The following SND1 variants were observed in gnomAD, a reference collection of about 807,000 sequenced individuals.
SND1 encodes the protein staphylococcal nuclease and tudor domain containing 1, also known as staphylococcal nuclease domain-containing protein 1.
Under a neutral mutation model 121.7 loss-of-function variants are expected in SND1, and 38 were observed. The observed-to-expected ratio is 0.31, with a 90% CI of 0.24 to 0.41. The LOEUF (loss-of-function observed/expected upper bound fraction) is 0.41. Among genes scored for constraint, SND1 ranks in the 10% least tolerant of loss-of-function variants. The pLI is 1.00. For synonymous variants in SND1, 401 were observed against 447.4 expected (o/e 0.90, Z 1.31); for missense variants, 868 against 1,184.6 (o/e 0.73, Z 3.92).
chr7:128,091,874 G>A lies in SND1; in HGVS notation c.2660G>A (p.Ser887Asn). 6.2e-7 allele frequency: 1 copy of A among 1,614,210 alleles called. No homozygotes were observed. The highest frequency in any genetic ancestry group is 8.5e-7 in the Non-Finnish European group (1 of 1,180,034). ...CTGAATGCCCAAGAGTCAGCCAAGA[G>A]CGCCAGGGTGAGTTCTTACCTTGGG... The part of the protein sequence containing the change: ...EYLNAQESAK[S>N]ARLNLWRYGD... The change falls in exon 23 of 24, where the codon AGC becomes AAC. Residue 887 changes from serine (S) to asparagine (N), a missense_variant. Ser to Asn is a conservative substitution (Grantham distance 46). Transcript: ENST00000354725.
Position 127,956,824 on chromosome 7 carries a change from A to G in SND1, c.1669+27495A>G, listed in dbSNP as rs115541125. On this transcript the variant is annotated intron_variant, in intron 15 of 23. Transcript: ENST00000354725. ...GACACTATCTCTTGTTTATTTTATT[A>G]GATATTACTTACCACCTTCTATCAC... Among the ~76,000 whole-genome samples, 1,207 of 152,284 alleles carry G rather than the reference A, an allele frequency of 7.9e-3. 18 individuals carry two copies. Among genetic ancestry groups the G allele is most frequent in the African/African-American group, 0.028 (1,151 of 41,550 alleles).
chr7:128,076,317 G>C (rs184269055), intron 17 of SND1, among the ~76,000 whole-genome samples: 13 of 152,318 alleles, frequency 8.5e-5, no homozygotes, highest in African/African-American at 2.4e-4. Flanking sequence ...ACTTGATGAC[G>C]CTGAGGAGTA....
chr7:128,086,441 C>T (rs1176776827), intron 20 of SND1: 1 of 231,100 alleles, frequency 4.3e-6, no homozygotes, highest in Non-Finnish European at 8.6e-6. Flanking sequence ...ATGCTCCCAA[C>T]CCATCTCCTG....
At chr7:127,943,522 G>GCTCCA (rs1801262954) in intron 15 of SND1, among the ~76,000 whole-genome samples, 1 of 152,178 alleles carries the variant, frequency 6.6e-6, no homozygotes, top group South Asian at 2.1e-4. Context: ...TCCAGACATA[G>GCTCCA]GCCTTTGTGC....
At chr7:128,032,697 C>T (rs1792664422) in intron 16 of SND1, among the ~76,000 whole-genome samples, 1 of 152,124 alleles carries the variant, frequency 6.6e-6, no homozygotes. Flanking sequence ...GTTCGGAGTT[C>T]GGAACTGCGT....
At chr7:127,736,628 T>C (rs550981242) in intron 10 of SND1, among the ~76,000 whole-genome samples, 90 of 152,346 alleles carry the variant, frequency 5.9e-4, no homozygotes, top group African/African-American at 2.1e-3. Flanking sequence ...CACAGATACA[T>C]GTTCCCAGAG....
intron 17 of SND1, among the ~76,000 whole-genome samples, chr7:128,080,893 C>T (rs765290317): frequency 3.9e-5 from 6 of 152,040 alleles, no homozygotes; most frequent in Non-Finnish European, 7.4e-5. Context: ...CTTTCCCCTC[C>T]GAGATAGAGG....
intron 9 of SND1, among the ~76,000 whole-genome samples, chr7:127,714,995 A>G (rs1796362490): frequency 6.6e-6 from 1 of 152,182 alleles, no homozygotes; most frequent in African/African-American, 2.4e-5. Context: ...CCTGTTTTCA[A>G]TTATTTTGAG....
chr7:127,695,131 C>A (rs1214320024), intron 3 of SND1, among the ~76,000 whole-genome samples, 183 bp downstream of exon 3: 2 of 152,160 alleles, frequency 1.3e-5, no homozygotes, highest in Non-Finnish European at 2.9e-5. Flanking sequence ...AGGCATGCCC[C>A]CGGTGTTCCT....
chr7:128,041,167 G>T (rs908195774), intron 16 of SND1, among the ~76,000 whole-genome samples: 1 of 152,144 alleles, frequency 6.6e-6, no homozygotes, highest in Non-Finnish European at 1.5e-5. Context: ...CGGTGCAGGG[G>T]CTCCTGTCTA....
intron 11 of SND1, among the ~76,000 whole-genome samples, chr7:127,825,869 T>G (rs1798634366): frequency 6.6e-6 from 1 of 152,218 alleles, no homozygotes. Context: ...ACATTTATAT[T>G]CTAATCTGTC....
chr7:128,030,928 G>T (rs907705676), intron 16 of SND1: 17 of 323,984 alleles, frequency 5.2e-5, no homozygotes, highest in African/African-American at 2.3e-4. Flanking sequence ...AAGGAAGGCA[G>T]GAAAGCACTG....
chr7:127,871,042 C>T (rs1799576007), intron 12 of SND1, among the ~76,000 whole-genome samples: 2 of 151,284 alleles, frequency 1.3e-5, no homozygotes, highest in Non-Finnish European at 3.0e-5. Flanking sequence ...AAGACACAAA[C>T]ATACACATTA....
intron 10 of SND1, among the ~76,000 whole-genome samples, chr7:127,787,897 A>T (rs1015614542): frequency 6.6e-6 from 1 of 152,186 alleles, no homozygotes; most frequent in African/African-American, 2.4e-5. Flanking sequence ...CATTTATCCA[A>T]ACATTTTCTG....
At chr7:127,760,355 A>G (rs1302641598) in intron 10 of SND1, among the ~76,000 whole-genome samples, 1 of 152,210 alleles carries the variant, frequency 6.6e-6, no homozygotes, top group Non-Finnish European at 1.5e-5. Flanking sequence ...CTCTGTTTGA[A>G]TGCATAAAGT....
chr7:128,072,133 T>C (rs1227388914), intron 16 of SND1, among the ~76,000 whole-genome samples: 1 of 152,090 alleles, frequency 6.6e-6, no homozygotes, highest in Non-Finnish European at 1.5e-5. Context: ...GAATGTGGGG[T>C]TTGCCATGTG....
intron 16 of SND1, chr7:128,031,903 G>T (rs2116990854): frequency 6.6e-6 from 1 of 151,292 alleles, no homozygotes; most frequent in South Asian, 2.1e-4. Flanking sequence ...TGCTGCAGCG[G>T]CGTGAGCAGC....
At chr7:127,729,113 C>T (rs1341202165) in intron 10 of SND1, among the ~76,000 whole-genome samples, 1 of 152,016 alleles carries the variant, frequency 6.6e-6, no homozygotes, top group Non-Finnish European at 1.5e-5. Flanking sequence ...GTTCAGTCCA[C>T]CAGAGGGGTT....
chr7:128,081,914 G>A (rs777300733), intron 18 of SND1: 5 of 536,216 alleles, frequency 9.3e-6, no homozygotes, highest in Non-Finnish European at 1.5e-5. Context: ...TTTCCCTCTG[G>A]GGGAGCAAGG....
Sources: gnomAD v4.1 joint callset for allele counts (sites outside exome capture counted in the v4.1 genomes callset) on GRCh38, gnomAD v4.1.1 for gene constraint, MANE v1.5 for transcripts, NCBI Gene and HGNC (gene_info 2026-07-23, HGNC 2026-07-21) for gene names.